The following ING5 variants were observed in gnomAD, a reference collection of about 807,000 sequenced individuals.
ING5 encodes inhibitor of growth family member 5, also known as inhibitor of growth protein 5.
A neutral mutation model predicts 37.4 loss-of-function variants in ING5; 17 were observed. The ratio of observed to expected loss-of-function variants is 0.45; its 90% CI spans 0.31 to 0.68. The LOEUF is 0.68. ING5 is among the 30% of genes least tolerant of loss of function. The pLI is 0.05. For missense variants in ING5, 233 were observed against 311.9 expected (o/e 0.75, Z 1.91); for synonymous variants, 123 against 116.6 (o/e 1.06, Z -0.36).
chr2:241,697,354 G>A (rs1331260269), upstream of ING5, among the ~76,000 whole-genome samples: 3 of 143,768 alleles, frequency 2.1e-5, no homozygotes, highest in Admixed American at 7.1e-5. Context: ...AGAATGGCAT[G>A]AACCCGGGAG....
chr2:241,721,248 G>T (rs570025695), intron 5 of ING5: 13 of 985,388 alleles, frequency 1.3e-5, no homozygotes, highest in Non-Finnish European at 1.4e-5. Flanking sequence ...GTAGACCCTT[G>T]CGTGCTGCTG....
intron 1 of ING5, among the ~76,000 whole-genome samples, chr2:241,702,437 C>CCCAGCT (rs2069770553): frequency 6.6e-6 from 1 of 151,960 alleles, no homozygotes; most frequent in South Asian, 2.1e-4. Context: ...CATCTCCGCC[C>CCCAGCT]CCAGCTCCGG....
At chr2:241,724,321 G>A (rs1012892311) in intron 7 of ING5, among the ~76,000 whole-genome samples, 3 of 152,236 alleles carry the variant, frequency 2.0e-5, no homozygotes, top group South Asian at 2.1e-4. Context: ...GCCCCACGCC[G>A]TGCGGCTGGG....
rs7588212 is a variant in ING5 at position 241,728,479 on chromosome 2, A to G, written c.*3448A>G. The stretch of plus-strand genomic sequence containing the variant: ...TGACCTCGATGGGAAGGAGCGTTCT[A>G]CCCATTTTCCTTGTTTTCAGTGCTG... On this transcript the variant is annotated 3_prime_UTR_variant, in exon 8 of 8. Coordinates refer to ENST00000313552, the MANE Select transcript of ING5 (RefSeq NM_032329.6). The G allele has an allele frequency of 0.61, 93,233 of 152,420 alleles. 29,190 individuals carry two copies. Among genetic ancestry groups the G allele is most frequent in the East Asian group, 0.81 (4,157 of 5,156 alleles). The allele number at this position is 152,420 out of a possible 1,614,324, so 9.4% of individuals were successfully genotyped here.
chr2:241,709,187 G>A lies in ING5; in HGVS notation c.110-29G>A. 1.9e-6 allele frequency: 3 copies of A among 1,598,380 alleles called. No individual in the cohort carries two copies. In the South Asian group the frequency reaches 3.4e-5, roughly 18 times the overall value. ...GAGCACATCATGGTGTCTTGTGCAG[G>A]GCTAGCTTTTCCCCCATTTCTCCAT... is the stretch of plus-strand genomic sequence containing the variant. On this transcript the variant is annotated intron_variant, in intron 2 of 7. Coordinates refer to ENST00000313552, the MANE Select transcript of ING5 (RefSeq NM_032329.6).
chr2:241,700,368 A>G (rs532770060), upstream of ING5, among the ~76,000 whole-genome samples: 4 of 151,962 alleles, frequency 2.6e-5, no homozygotes, highest in South Asian at 2.1e-4. Context: ...CGTGTTAGGC[A>G]GGATGGTCTC....
chr2:241,690,326 C>G (rs2069531479), exon 2 of ING5: 1 of 324,376 alleles, frequency 3.1e-6, no homozygotes, highest in African/African-American at 2.1e-5. Context: ...ACCAGCCAGC[C>G]TCCTGTGGCT....
At chr2:241,704,601 A>AT in intron 1 of ING5, 52 bp from the exon 2 acceptor site, 1 of 1,460,646 alleles carries the variant, frequency 6.8e-7, no homozygotes, top group Non-Finnish European at 9.6e-7. Context: ...TTGGAGGTGA[A>AT]TTTTTGTCTT....
intron 2 of ING5, among the ~76,000 whole-genome samples, chr2:241,691,437 T>C: frequency 6.8e-6 from 1 of 147,602 alleles, no homozygotes; most frequent in African/African-American, 2.6e-5. Flanking sequence ...AGACACTGTC[T>C]CAAAAAAAAA....
intron 5 of ING5, among the ~76,000 whole-genome samples, chr2:241,712,612 G>A (rs1181958922): frequency 6.6e-6 from 1 of 152,134 alleles, no homozygotes; most frequent in Non-Finnish European, 1.5e-5. Context: ...CCCTGCCAAA[G>A]GTGTTGTATA....
At chr2:241,700,750 C>T (rs750464212), upstream of ING5, among the ~76,000 whole-genome samples, 3 of 152,002 alleles carry the variant, frequency 2.0e-5, no homozygotes, top group Admixed American at 1.3e-4. Context: ...CCTCAGTCTC[C>T]GAGTAGCTGG....
rs1442832241 is a variant in ING5, at chr2:241,727,572, C to G, written c.*2541C>G. ...TGAAGTGATCCACCCGCCTCGACCTCCCAAAGTGCTGGGATGACAGGCATG... is the reference window on the plus strand; with the variant it reads ...TGAAGTGATCCACCCGCCTCGACCTGCCAAAGTGCTGGGATGACAGGCATG... On this transcript the variant is annotated 3_prime_UTR_variant, in exon 8 of 8. Coordinates refer to ENST00000313552, the MANE Select transcript of ING5 (RefSeq NM_032329.6). 2 of 152,244 alleles carry G rather than the reference C, an allele frequency of 1.3e-5. No individual in the cohort carries two copies. Among genetic ancestry groups the G allele is most frequent in the African/African-American group, 4.8e-5 (2 of 41,446 alleles). 9.4% of individuals were successfully genotyped at this position (152,244 alleles called of 1,614,324 possible).
chr2:241,708,698 G>A (rs998792422), intron 2 of ING5, among the ~76,000 whole-genome samples: 1 of 152,128 alleles, frequency 6.6e-6, no homozygotes, highest in Non-Finnish European at 1.5e-5. Flanking sequence ...GCACTCTGTT[G>A]TCTGAAGGGA....
At chr2:241,694,917 G>A (rs1430784842) in intron 2 of ING5, among the ~76,000 whole-genome samples, 1 of 133,074 alleles carries the variant, frequency 7.5e-6, no homozygotes, top group Admixed American at 8.2e-5. Context: ...CTACTTGGGA[G>A]GCTGAGGCAG....
At chr2:241,716,944 TC>T (rs773580914) in intron 5 of ING5, among the ~76,000 whole-genome samples, 2 of 152,138 alleles carry the variant, frequency 1.3e-5, no homozygotes, top group African/African-American at 4.8e-5. Context: ...GTTCAAAAGA[TC>T]CGTTTTACAA....
intron 1 of ING5, 77 bp downstream of exon 1, chr2:241,702,179 C>T: frequency 1.1e-6 from 1 of 882,682 alleles, no homozygotes; most frequent in Non-Finnish European, 1.4e-6. Flanking sequence ...GCGCCGGGCA[C>T]CGCATGCAGA....
rs1159695144 is a variant in ING5, at chr2:241,729,475, C to CA, written c.*4447dup. The CA allele has an allele frequency of 6.6e-6, 1 of 152,464 alleles. No homozygotes were observed. Among genetic ancestry groups the CA allele is most frequent in the African/African-American group, 2.4e-5 (1 of 41,428 alleles). 9.4% of individuals were successfully genotyped at this position (152,464 alleles called of 1,614,324 possible). On this transcript the variant is annotated 3_prime_UTR_variant, in exon 8 of 8. Transcript: ENST00000313552. ...TTAATAAATAAAGTATTTTTTGGAA[C>CA]AAACAATTGAAAGTGCATCTGTATT...
upstream of ING5, among the ~76,000 whole-genome samples, chr2:241,697,771 A>G (rs1276963093): frequency 6.6e-6 from 1 of 152,150 alleles, no homozygotes; most frequent in African/African-American, 2.4e-5. Context: ...GACATTATAC[A>G]TTTGTCAAAA....
intron 2 of ING5, among the ~76,000 whole-genome samples, chr2:241,696,046 G>C (rs2069624880): frequency 2.6e-5 from 4 of 152,006 alleles, no homozygotes; most frequent in Admixed American, 2.0e-4. Context: ...GCAGTGAACT[G>C]TGATCACACC....
Sources: gnomAD v4.1 joint callset for allele counts (sites outside exome capture counted in the v4.1 genomes callset) on GRCh38, gnomAD v4.1.1 for gene constraint, MANE v1.5 for transcripts, NCBI Gene and HGNC (gene_info 2026-07-23, HGNC 2026-07-21) for gene names.